Variants in LRMDA observed in about 807,000 individuals in gnomAD.
The protein encoded by LRMDA is leucine-rich melanocyte differentiation-associated protein.
In LRMDA, 18 loss-of-function variants were observed where a neutral mutation model predicts 29.8. The ratio of observed to expected loss-of-function variants is 0.60; its 90% CI spans 0.42 to 0.90. The LOEUF (loss-of-function observed/expected upper bound fraction) is 0.90. LRMDA is among the 40% of genes least tolerant of loss of function. The pLI, the probability that LRMDA is intolerant of heterozygous loss-of-function variation, is 0.00. For synonymous variants in LRMDA, 125 were observed against 109.4 expected (o/e 1.14, Z -0.89); for missense variants, 273 against 273.9 (o/e 1.00, Z 0.02).
At chr10:76,524,083 A>G (rs745632685) in intron 6 of LRMDA, among the ~76,000 whole-genome samples, 2 of 152,256 alleles carry the variant, frequency 1.3e-5, no homozygotes, top group South Asian at 4.1e-4. Context: ...GAAAACATGC[A>G]GGCACTGCAG....
intron 2 of LRMDA, among the ~76,000 whole-genome samples, chr10:75,643,909 T>C (rs1391970121): frequency 6.6e-6 from 1 of 152,194 alleles, no homozygotes; most frequent in Admixed American, 6.5e-5. Flanking sequence ...CCCCCTAAGT[T>C]ATTTCAGCAG....
At chr10:76,064,007 A>T (rs76448689) in intron 5 of LRMDA, among the ~76,000 whole-genome samples, 4,455 of 152,298 alleles carry the variant, frequency 0.029, 218 homozygotes, top group African/African-American at 0.1. Flanking sequence ...GCAGAGGCTC[A>T]GTCAATACTC....
intron 2 of LRMDA, among the ~76,000 whole-genome samples, chr10:75,787,857 G>A (rs1027994105): frequency 6.6e-6 from 1 of 152,154 alleles, no homozygotes; most frequent in Non-Finnish European, 1.5e-5. Context: ...GTGAAACTCC[G>A]TTTCTACTAA....
intron 6 of LRMDA, among the ~76,000 whole-genome samples, chr10:76,517,386 G>A (rs532204256): frequency 6.6e-4 from 101 of 152,196 alleles, no homozygotes; most frequent in African/African-American, 2.4e-3. Flanking sequence ...CAATTAGAAG[G>A]CACAAGGCAG....
At chr10:76,036,178 C>T (rs1268002805) in intron 3 of LRMDA, 44 bp downstream of exon 3, 2 of 1,571,056 alleles carry the variant, frequency 1.3e-6, no homozygotes, top group East Asian at 2.3e-5. Context: ...CACCCAGCCC[C>T]ACAGTCGTCC....
At chr10:76,058,894 A>T in intron 5 of LRMDA, 111 bp downstream of exon 5, 1 of 822,918 alleles carries the variant, frequency 1.2e-6, no homozygotes, top group Non-Finnish European at 2.1e-6. Flanking sequence ...TTGGAATCTC[A>T]CATGAAGGGT....
intron 6 of LRMDA, among the ~76,000 whole-genome samples, chr10:76,491,150 T>C (rs1842830461): frequency 1.3e-5 from 2 of 151,948 alleles, no homozygotes; most frequent in African/African-American, 4.8e-5. Flanking sequence ...AAAGTTGTTG[T>C]AGTTATTATT....
chr10:76,130,706 C>A (rs1250104273), intron 5 of LRMDA, among the ~76,000 whole-genome samples: 1 of 152,156 alleles, frequency 6.6e-6, no homozygotes, highest in African/African-American at 2.4e-5. Flanking sequence ...GTTACCCAGG[C>A]TGGAGTGCAA....
At chr10:76,289,263 G>C (rs1402036145) in intron 5 of LRMDA, among the ~76,000 whole-genome samples, 1 of 152,148 alleles carries the variant, frequency 6.6e-6, no homozygotes, top group Non-Finnish European at 1.5e-5. Flanking sequence ...TTACTGAATT[G>C]TTTCCCATTC....
intron 6 of LRMDA, among the ~76,000 whole-genome samples, chr10:76,445,977 A>G (rs1006210855): frequency 6.6e-6 from 1 of 152,160 alleles, no homozygotes. Context: ...AGTCCCTCAC[A>G]TTCCTCTCCC....
At position 75,661,568 on chromosome 10, in the gene LRMDA, G is replaced by T. The variant is rs147429596; in HGVS notation, c.131+223074G>T. Among the ~76,000 whole-genome samples, 1,393 of 152,298 alleles carry T rather than the reference G, an allele frequency of 9.1e-3. 25 individuals carry two copies. The highest frequency in any genetic ancestry group is 0.029 in the South Asian group (140 of 4,812). ...CCAAGGTCCTCCCTCCAAGCCTGGA[G>T]ATGTGATAAGAGAGTGTCACCTCTA... On this transcript the variant is annotated intron_variant, in intron 2 of 6. Transcript: ENST00000611255.
At chr10:75,890,712 G>T (rs1845472234) in intron 2 of LRMDA, among the ~76,000 whole-genome samples, 1 of 152,182 alleles carries the variant, frequency 6.6e-6, no homozygotes, top group Admixed American at 6.5e-5. Context: ...TTGGATGCCA[G>T]CTGGCCATGG....
At chr10:75,967,392 T>C (rs949709865) in intron 2 of LRMDA, among the ~76,000 whole-genome samples, 2 of 152,218 alleles carry the variant, frequency 1.3e-5, no homozygotes, top group Admixed American at 1.3e-4. Flanking sequence ...TTGCATTGAT[T>C]ATTATAACAT....
In LRMDA at chr10:75,822,154, T is replaced by C. The variant is rs79952194; in HGVS notation, c.132-213854T>C. 9.7e-3 allele frequency among the ~76,000 whole-genome samples: 1,477 copies of C among 152,234 alleles called. 23 individuals are homozygous for C. The highest frequency in any genetic ancestry group is 0.034 in the African/African-American group (1,401 of 41,520). On this transcript the variant is annotated intron_variant, in intron 2 of 6. Coordinates refer to ENST00000611255, the MANE Select transcript of LRMDA (RefSeq NM_001305581.2). Reference sequence around the variant, plus strand: ...TGCAAAATCAATGTACAAAAACCAGTAGCATTTCTGTACACTGGTAATGAT... The same window carrying C: ...TGCAAAATCAATGTACAAAAACCAGCAGCATTTCTGTACACTGGTAATGAT...
intron 5 of LRMDA, among the ~76,000 whole-genome samples, chr10:76,096,219 T>C (rs1589325043): frequency 6.6e-6 from 1 of 152,208 alleles, no homozygotes; most frequent in Non-Finnish European, 1.5e-5. Context: ...AGATTTTCTC[T>C]TGTTTTATTT....
At chr10:76,110,514 G>A (rs1206319594) in intron 5 of LRMDA, among the ~76,000 whole-genome samples, 3 of 152,134 alleles carry the variant, frequency 2.0e-5, no homozygotes, top group African/African-American at 7.2e-5. Flanking sequence ...ACAGGGTTTG[G>A]CTGTGGCCCC....
At position 75,639,907 on chromosome 10, in the gene LRMDA, T is replaced by A. The variant is rs577161243; in HGVS notation, c.131+201413T>A. The stretch of plus-strand genomic sequence containing the variant: ...TGTTGAGGAGCACGGCACTGCATCA[T>A]TCTGGGAAGAGACAGCTGGGGTGGT... On this transcript the variant is annotated intron_variant, in intron 2 of 6. Coordinates refer to ENST00000611255, the MANE Select transcript of LRMDA (RefSeq NM_001305581.2). Among the ~76,000 whole-genome samples, 11 of 152,324 alleles carry A rather than the reference T, an allele frequency of 7.2e-5. No individual in the cohort carries two copies. In the East Asian group the frequency reaches 2.1e-3, roughly 29 times the overall value.
At chr10:75,907,553 G>T (rs1366869969) in intron 2 of LRMDA, among the ~76,000 whole-genome samples, 1 of 152,140 alleles carries the variant, frequency 6.6e-6, no homozygotes, top group Non-Finnish European at 1.5e-5. Context: ...ACAAACAAGG[G>T]TTTCTCATTA....
At chr10:75,661,983 C>T (rs1303880794) in intron 2 of LRMDA, among the ~76,000 whole-genome samples, 1 of 152,166 alleles carries the variant, frequency 6.6e-6, no homozygotes, top group Admixed American at 6.5e-5. Flanking sequence ...TCCCCCTACC[C>T]TGTACTTTCA....
Sources: allele counts gnomAD v4.1 joint callset (sites outside exome capture counted in the v4.1 genomes callset), GRCh38; gene constraint gnomAD v4.1.1; transcripts MANE v1.5; gene names NCBI Gene and HGNC (gene_info 2026-07-23, HGNC 2026-07-21).